HYCC2: variants seen among roughly 807,000 people sequenced by gnomAD.
The protein encoded by HYCC2 is hyccin 2.
the HYCC2 span, among the ~76,000 whole-genome samples, chr2:201,053,748 A>C: frequency 6.6e-6 from 1 of 151,556 alleles, no homozygotes; most frequent in Non-Finnish European, 1.5e-5. Flanking sequence ...GTGGATCACG[A>C]GGTCAGGAGA....
the HYCC2 span, chr2:201,022,799 A>G: frequency 4.5e-6 from 6 of 1,323,458 alleles, no homozygotes; most frequent in Non-Finnish European, 6.5e-6. Flanking sequence ...TCATTTCACT[A>G]TGTAGAAATT....
At chr2:200,998,959 A>T in the HYCC2 span, among the ~76,000 whole-genome samples, 30 of 152,228 alleles carry the variant, frequency 2.0e-4, no homozygotes, top group African/African-American at 7.2e-4. Context: ...ATATCTAGGT[A>T]AAAGAATGGA....
chr2:201,043,447 A>G, the HYCC2 span, among the ~76,000 whole-genome samples: 141 of 150,770 alleles, frequency 9.4e-4, no homozygotes, highest in African/African-American at 3.0e-3. Flanking sequence ...AAAAAAAAAA[A>G]AAGAAAGAAA....
chr2:201,053,635 T>G, the HYCC2 span, among the ~76,000 whole-genome samples: 1 of 152,076 alleles, frequency 6.6e-6, no homozygotes, highest in Non-Finnish European at 1.5e-5. Context: ...ACAGTCCCAA[T>G]CAAATGACAT....
the HYCC2 span, among the ~76,000 whole-genome samples, chr2:200,991,572 A>G: frequency 6.6e-6 from 1 of 151,368 alleles, no homozygotes; most frequent in East Asian, 1.9e-4. Flanking sequence ...CCGTCTCAAA[A>G]AAAAAAAAAA....
At chr2:201,057,652 G>A in the HYCC2 span, among the ~76,000 whole-genome samples, 2 of 152,078 alleles carry the variant, frequency 1.3e-5, no homozygotes, top group South Asian at 2.1e-4. Context: ...AGACACCCAT[G>A]GCACTTACTT....
At chr2:200,985,199 C>A in the HYCC2 span, among the ~76,000 whole-genome samples, 1 of 152,112 alleles carries the variant, frequency 6.6e-6, no homozygotes, top group African/African-American at 2.4e-5. Flanking sequence ...GATAACAATA[C>A]CATTCATGGT....
At chr2:201,041,613 A>G in the HYCC2 span, among the ~76,000 whole-genome samples, 1 of 152,114 alleles carries the variant, frequency 6.6e-6, no homozygotes, top group Non-Finnish European at 1.5e-5. Flanking sequence ...CCTGCCTAGA[A>G]CTTCGGGGTT....
chr2:201,029,032 G>C, the HYCC2 span, among the ~76,000 whole-genome samples: 14 of 152,022 alleles, frequency 9.2e-5, no homozygotes, highest in Admixed American at 3.9e-4. Flanking sequence ...CTACAGAATG[G>C]GAGAAAATTT....
At chr2:201,041,302 T>G in the HYCC2 span, among the ~76,000 whole-genome samples, 1 of 152,200 alleles carries the variant, frequency 6.6e-6, no homozygotes, top group African/African-American at 2.4e-5. Context: ...AATTTTGAAA[T>G]CTATGATTGA....
At chr2:201,064,907 C>G in the HYCC2 span, among the ~76,000 whole-genome samples, 1 of 152,194 alleles carries the variant, frequency 6.6e-6, no homozygotes, top group East Asian at 1.9e-4. Context: ...AATGGGAACA[C>G]CTTGAATAAC....
the HYCC2 span, among the ~76,000 whole-genome samples, chr2:200,995,860 C>T: frequency 6.6e-6 from 1 of 152,108 alleles, no homozygotes; most frequent in African/African-American, 2.4e-5. Flanking sequence ...ATTTATTATG[C>T]AGTAATAGAA....
At chr2:201,057,247 A>G in the HYCC2 span, among the ~76,000 whole-genome samples, 1 of 152,228 alleles carries the variant, frequency 6.6e-6, no homozygotes, top group Non-Finnish European at 1.5e-5. Flanking sequence ...ATGAACTTTC[A>G]AGGGAACAAG....
chr2:201,004,737 C>T, the HYCC2 span, among the ~76,000 whole-genome samples: 5 of 152,114 alleles, frequency 3.3e-5, no homozygotes, highest in Admixed American at 1.3e-4. Flanking sequence ...GTCCAATGGC[C>T]GGGTGCAGTG....
chr2:201,018,808 G>T, the HYCC2 span, among the ~76,000 whole-genome samples: 8 of 152,224 alleles, frequency 5.3e-5, no homozygotes, highest in African/African-American at 1.9e-4. Flanking sequence ...TCCAGCCTGG[G>T]TAACAGAGCA....
chr2:201,023,360 G>GA, the HYCC2 span, among the ~76,000 whole-genome samples: 2 of 151,030 alleles, frequency 1.3e-5, no homozygotes, highest in African/African-American at 4.9e-5. Flanking sequence ...AAAAAAAAAA[G>GA]AAAGAAAGAA....
At chr2:200,990,963 C>T in the HYCC2 span, among the ~76,000 whole-genome samples, 22 of 152,356 alleles carry the variant, frequency 1.4e-4, no homozygotes, top group South Asian at 3.7e-3. Context: ...CCGCCTCAGC[C>T]TCCCAAAGTG....
the HYCC2 span, chr2:200,981,347 G>A: frequency 6.2e-6 from 10 of 1,614,040 alleles, no homozygotes; most frequent in Non-Finnish European, 1.7e-6. The surrounding 1 kb of genome is among the most constrained non-coding windows in gnomAD (Gnocchi z 4.5). Flanking sequence ...GGGCTGAGGA[G>A]CTCTTTACCT....
At chr2:201,008,826 A>G in the HYCC2 span, 1 of 554,832 alleles carries the variant, frequency 1.8e-6, no homozygotes. Flanking sequence ...TAAGCCTGGG[A>G]GGTCAAGGCT....
Sources: gnomAD v4.1 joint callset for allele counts (sites outside exome capture counted in the v4.1 genomes callset) on GRCh38, gnomAD v4.1.1 for gene constraint, Gnocchi (gnomAD v3.1) non-coding constraint, MANE v1.5 for transcripts, NCBI Gene and HGNC (gene_info 2026-07-23, HGNC 2026-07-21) for gene names.